PSMA1: variants seen among roughly 807,000 people sequenced by gnomAD.
PSMA1 encodes proteasome subunit alpha type-1.
PSMA1 carries 3 observed loss-of-function variants against 38.4 expected under a neutral mutation model. The observed-to-expected ratio is 0.08, with a 90% confidence interval of 0.04 to 0.20. PSMA1 has a LOEUF of 0.20. Ranked by LOEUF, PSMA1 falls within the 10% of genes least tolerant of loss-of-function variation. The pLI is 1.00. For synonymous variants in PSMA1, 101 were observed against 107.1 expected (o/e 0.94, Z 0.35); for missense variants, 227 against 325.3 (o/e 0.70, Z 2.32).
At chr11:14,525,888 C>G (rs1851580722) in intron 2 of PSMA1, among the ~76,000 whole-genome samples, 1 of 152,286 alleles carries the variant, frequency 6.6e-6, no homozygotes, top group East Asian at 1.9e-4. Flanking sequence ...TTCTTTCCAC[C>G]CTTCTGCTTC....
intron 1 of PSMA1, among the ~76,000 whole-genome samples, chr11:14,617,695 A>ATGTGTG (rs1327545879): frequency 1.4e-5 from 2 of 146,214 alleles, no homozygotes; most frequent in African/African-American, 5.2e-5. Flanking sequence ...GTATATATAT[A>ATGTGTG]TATGTGTGTG....
rs187168966 is a variant in PSMA1 at position 14,531,702 on chromosome 11, C to T, written c.22-12661G>A. Among the ~76,000 whole-genome samples the T allele has an allele frequency of 1.9e-3, 291 of 152,170 alleles. 1 individual carries two copies. Among genetic ancestry groups the T allele is most frequent in the African/African-American group, 6.6e-3 (273 of 41,486 alleles). ...CTTGAACTCCTGAGCTCAAGTGATC[C>T]GCCTGTCTTCACCTCCCAAAGTGCT... On this transcript the variant is annotated intron_variant, in intron 2 of 10. Coordinates refer to the PSMA1 transcript ENST00000418988.
At chr11:14,518,042 G>A in intron 2 of PSMA1, 61 bp from the exon 3 acceptor site, 1 of 1,276,084 alleles carries the variant, frequency 7.8e-7, no homozygotes, top group South Asian at 1.4e-5. Flanking sequence ...TTAAAAATTA[G>A]GGTTTTCAAA....
chr11:14,574,480 G>C (rs1852188448), intron 2 of PSMA1, among the ~76,000 whole-genome samples: 1 of 152,198 alleles, frequency 6.6e-6, no homozygotes, highest in African/African-American at 2.4e-5. Context: ...CCCCTGCCTA[G>C]ATTTCAGAAG....
chr11:14,634,129 C>T (rs1010855905), intron 1 of PSMA1, among the ~76,000 whole-genome samples: 5 of 152,130 alleles, frequency 3.3e-5, no homozygotes, highest in East Asian at 1.9e-4. Flanking sequence ...GCTGTAGACC[C>T]GGAGCTGTTC....
chr11:14,589,630 T>G (rs1314841996), intron 2 of PSMA1, among the ~76,000 whole-genome samples: 2 of 151,956 alleles, frequency 1.3e-5, no homozygotes, highest in African/African-American at 2.4e-5. Flanking sequence ...AATTGACCCC[T>G]CAGGGAAAGG....
rs781242884 is a variant in PSMA1, at chr11:14,630,559, C to T, written c.-166+12896G>A. 3.7e-3 allele frequency among the ~76,000 whole-genome samples: 558 copies of T among 151,912 alleles called. 6 individuals are homozygous for T. The highest frequency in any genetic ancestry group is 5.0e-3 in the Non-Finnish European group (339 of 67,908). ...AAGCTTTTTGATGTGCTGCTGGATT[C>T]GGTTTGCCAGTATTTTATTGAGGAT... is the stretch of plus-strand genomic sequence containing the variant. On this transcript the variant is annotated intron_variant, in intron 1 of 10. Coordinates refer to the PSMA1 transcript ENST00000418988.
intron 2 of PSMA1, among the ~76,000 whole-genome samples, chr11:14,602,109 T>C (rs1213610826): frequency 6.6e-6 from 1 of 152,142 alleles, no homozygotes; most frequent in Non-Finnish European, 1.5e-5. Flanking sequence ...AGTAGAACCA[T>C]CTATAATGGC....
chr11:14,513,532 CAAAAA>C (rs59773789), intron 7 of PSMA1, 33 bp downstream of exon 7: 3,455 of 1,146,606 alleles, frequency 3.0e-3, no homozygotes, highest in South Asian at 7.9e-3. Context: ...CTGGAAAAGG[CAAAAA>C]AAAAAAAAAA....
At chr11:14,542,447 T>C (rs1851783274) in intron 2 of PSMA1, among the ~76,000 whole-genome samples, 1 of 152,236 alleles carries the variant, frequency 6.6e-6, no homozygotes, top group South Asian at 2.1e-4. Flanking sequence ...TGTTGGCAAC[T>C]TGTTGAAGGC....
intron 2 of PSMA1, among the ~76,000 whole-genome samples, chr11:14,530,475 A>G (rs1195267495): frequency 2.0e-5 from 3 of 152,232 alleles, no homozygotes; most frequent in African/African-American, 7.2e-5. Context: ...CTACACATAT[A>G]AAGCTTAATT....
At chr11:14,573,206 C>CA (rs1852168188) in intron 2 of PSMA1, among the ~76,000 whole-genome samples, 1 of 151,984 alleles carries the variant, frequency 6.6e-6, no homozygotes. Context: ...AGAGACACAA[C>CA]AAAAAAAGAG....
intron 4 of PSMA1, among the ~76,000 whole-genome samples, chr11:14,516,797 G>A (rs1221672401): frequency 2.6e-5 from 4 of 151,970 alleles, no homozygotes; most frequent in Non-Finnish European, 4.4e-5. Context: ...GTGGTGGCGG[G>A]TGCCTGTAAT....
chr11:14,524,243 AG>A (rs570533526), upstream of PSMA1, among the ~76,000 whole-genome samples: 769 of 152,196 alleles, frequency 5.1e-3, 9 homozygotes, highest in African/African-American at 0.018. Context: ...CTGAGGTGAC[AG>A]GATCACATGA....
intron 2 of PSMA1, among the ~76,000 whole-genome samples, chr11:14,595,998 G>T (rs140726737): frequency 2.0e-5 from 3 of 152,260 alleles, no homozygotes; most frequent in African/African-American, 7.2e-5. Flanking sequence ...ATGAAATAGA[G>T]AAATCCTTTC....
At position 14,581,034 on chromosome 11, in the gene PSMA1, C is replaced by T. The variant is rs946123209; in HGVS notation, c.21+29932G>A. ...GGAGCTATGTAGTTATGGGATGAAT[C>T]GAGGGAAAGAGGACAAAGGGAAACA... On this transcript the variant is annotated intron_variant, in intron 2 of 10. Transcript: ENST00000418988. Among the ~76,000 whole-genome samples the T allele has an allele frequency of 3.3e-5, 5 of 152,080 alleles. No homozygotes were observed. The East Asian group carries it at 7.7e-4, about 24-fold the overall frequency.
intron 2 of PSMA1, among the ~76,000 whole-genome samples, chr11:14,574,121 C>A (rs889500437): frequency 6.6e-6 from 1 of 152,104 alleles, no homozygotes; most frequent in Non-Finnish European, 1.5e-5. Context: ...AAAAGAAACA[C>A]CCATTTTCAG....
chr11:14,585,624 G>A (rs766333520), intron 2 of PSMA1, among the ~76,000 whole-genome samples: 3 of 152,162 alleles, frequency 2.0e-5, no homozygotes, highest in Non-Finnish European at 2.9e-5. Flanking sequence ...GACACAGAAA[G>A]CACATAAAAG....
At chr11:14,612,192 T>C (rs1852718227) in intron 1 of PSMA1, among the ~76,000 whole-genome samples, 1 of 152,228 alleles carries the variant, frequency 6.6e-6, no homozygotes, top group Non-Finnish European at 1.5e-5. Context: ...AACTTATGTG[T>C]AGTTCTGCTT....
Sources: gnomAD v4.1 joint callset for allele counts (sites outside exome capture counted in the v4.1 genomes callset) on GRCh38, gnomAD v4.1.1 for gene constraint, MANE v1.5 for transcripts, NCBI Gene and HGNC (gene_info 2026-07-23, HGNC 2026-07-21) for gene names.